Variants in TMEM266 observed in about 807,000 individuals in gnomAD.
TMEM266 encodes Hv1 related protein 1.
TMEM266 carries 33 observed loss-of-function variants against 50.5 expected under a neutral mutation model. That is an observed-to-expected ratio of 0.65 (90% CI 0.50 to 0.87). TMEM266 has a LOEUF of 0.87. Ranked by LOEUF, TMEM266 falls within the 40% of genes least tolerant of loss-of-function variation. The probability of loss-of-function intolerance (pLI) is 0.00; values close to 1 mark genes in which losing one functional copy is unlikely to be tolerated. For missense variants in TMEM266, 655 were observed against 695.1 expected, an observed-to-expected ratio of 0.94 and a Z score of 0.65; for synonymous variants, 310 against 292.3, an observed-to-expected ratio of 1.06 and a Z score of -0.62.
In TMEM266 at chr15:76,109,772, T is replaced by C. The variant is rs557958633; in HGVS notation, c.-96-24396T>C. Among the ~76,000 whole-genome samples, 6 of 150,578 alleles carry C rather than the reference T, an allele frequency of 4.0e-5. No individual in the cohort carries two copies. The East Asian group carries it at 1.2e-3, about 30-fold the overall frequency. On this transcript the variant is annotated intron_variant, in intron 1 of 10. Coordinates refer to ENST00000388942, the MANE Select transcript of TMEM266 (RefSeq NM_152335.3). ...TTGCCCAGGCTGGAGTACAGTGGTG[T>C]GATCATGACTCACTGCAGCCTCAAC...
At chr15:76,176,096 G>T in intron 8 of TMEM266, 1 of 178,960 alleles carries the variant, frequency 5.6e-6, no homozygotes, top group Non-Finnish European at 1.2e-5. Context: ...AAAGATGCTA[G>T]CGGTGCTCTC....
At chr15:76,079,158 G>A (rs1276797551) in intron 1 of TMEM266, among the ~76,000 whole-genome samples, 2 of 152,176 alleles carry the variant, frequency 1.3e-5, no homozygotes, top group African/African-American at 4.8e-5. Flanking sequence ...TTTGAGACCA[G>A]CCTGGCCAAC....
intron 1 of TMEM266, among the ~76,000 whole-genome samples, chr15:76,062,783 T>A (rs1253770455): frequency 6.6e-6 from 1 of 151,752 alleles, no homozygotes; most frequent in East Asian, 1.9e-4. Flanking sequence ...TCTGGACTAC[T>A]TTTTTTTTCT....
At chr15:76,063,730 A>G (rs1327925753) in intron 1 of TMEM266, among the ~76,000 whole-genome samples, 28 of 151,944 alleles carry the variant, frequency 1.8e-4, no homozygotes, top group African/African-American at 2.4e-5. Flanking sequence ...CACTCCCCCA[A>G]CTCTGGTACT....
chr15:76,125,100 CT>C (rs761399011), intron 1 of TMEM266, among the ~76,000 whole-genome samples: 1 of 152,196 alleles, frequency 6.6e-6, no homozygotes, highest in Non-Finnish European at 1.5e-5. Context: ...AGGATAGTCT[CT>C]TCAATAGAAA....
intron 5 of TMEM266, among the ~76,000 whole-genome samples, chr15:76,167,005 A>G (rs1243026482): frequency 6.6e-6 from 1 of 152,182 alleles, no homozygotes. Context: ...AGCGGCTGCC[A>G]TAGCAGAAAT....
At chr15:76,111,323 G>A (rs779780222) in intron 1 of TMEM266, among the ~76,000 whole-genome samples, 1 of 151,378 alleles carries the variant, frequency 6.6e-6, no homozygotes, top group East Asian at 2.0e-4. Context: ...TCAGTGATCC[G>A]CCTTGGCCTT....
At chr15:76,200,003 T>C (rs1830743171) in intron 9 of TMEM266, among the ~76,000 whole-genome samples, 1 of 152,136 alleles carries the variant, frequency 6.6e-6, no homozygotes, top group Admixed American at 6.5e-5. Context: ...GCCTCACACA[T>C]AGTAGGCCTT....
intron 1 of TMEM266, among the ~76,000 whole-genome samples, chr15:76,118,929 A>C (rs2037293291): frequency 6.6e-6 from 1 of 152,174 alleles, no homozygotes; most frequent in African/African-American, 2.4e-5. Flanking sequence ...CTCCTAGCTT[A>C]AAGCAGGCCC....
At chr15:76,063,908 G>A (rs1296565551) in intron 1 of TMEM266, among the ~76,000 whole-genome samples, 2 of 152,154 alleles carry the variant, frequency 1.3e-5, no homozygotes, top group Non-Finnish European at 2.9e-5. Flanking sequence ...GAGAAGAATC[G>A]GGAAAGATCT....
intron 1 of TMEM266, among the ~76,000 whole-genome samples, chr15:76,066,531 A>G (rs571380584): frequency 2.0e-5 from 3 of 152,118 alleles, no homozygotes; most frequent in Non-Finnish European, 2.9e-5. Flanking sequence ...AGACCTTGCT[A>G]TAGGCCTGCT....
intron 1 of TMEM266, among the ~76,000 whole-genome samples, chr15:76,063,477 T>G (rs2036346401): frequency 6.6e-6 from 1 of 152,132 alleles, no homozygotes; most frequent in South Asian, 2.1e-4. Context: ...GCACTAATGG[T>G]TCTCTCCCCT....
chr15:76,167,241 C>G (rs932231590), intron 5 of TMEM266, among the ~76,000 whole-genome samples: 2 of 152,034 alleles, frequency 1.3e-5, no homozygotes, highest in Non-Finnish European at 2.9e-5. Context: ...GAGGCCGAGG[C>G]TGGCGGATCA....
At chr15:76,105,493 A>G (rs1325447608) in intron 1 of TMEM266, among the ~76,000 whole-genome samples, 1 of 152,252 alleles carries the variant, frequency 6.6e-6, no homozygotes, top group Non-Finnish European at 1.5e-5. Context: ...ATTCTTCTGT[A>G]AATGGCTAAA....
intron 1 of TMEM266, among the ~76,000 whole-genome samples, chr15:76,077,821 G>C (rs182534768): frequency 6.6e-6 from 1 of 152,214 alleles, no homozygotes; most frequent in Admixed American, 6.5e-5. Flanking sequence ...AAAACTGTGA[G>C]AGAATAAGTT....
In TMEM266 at chr15:76,153,545, G is replaced by A. The variant is rs546884990; in HGVS notation, c.228-3059G>A. 6.6e-5 allele frequency among the ~76,000 whole-genome samples: 10 copies of A among 152,350 alleles called. 1 individual carries two copies. The highest frequency in any genetic ancestry group is 2.4e-4 in the African/African-American group (10 of 41,576). On this transcript the variant is annotated intron_variant, in intron 3 of 10. Coordinates refer to ENST00000388942, the MANE Select transcript of TMEM266 (RefSeq NM_152335.3). The surrounding 1 kb of genome is among the most constrained non-coding windows in gnomAD (Gnocchi z 4.2). ...AACGGTAATGGGCATTGGGGAGAATGTGGAATTGGAGCCAGGTGTCCTTGG... is the reference window on the plus strand; with the variant it reads ...AACGGTAATGGGCATTGGGGAGAATATGGAATTGGAGCCAGGTGTCCTTGG...
rs561135443 is a variant in TMEM266, at chr15:76,188,088, C to T, written c.769-3880C>T. Among the ~76,000 whole-genome samples the T allele has an allele frequency of 8.5e-5, 13 of 152,164 alleles. No individual in the cohort carries two copies. The South Asian group carries it at 2.5e-3, about 29-fold the overall frequency. On this transcript the variant is annotated intron_variant, in intron 8 of 10. Coordinates refer to ENST00000388942, the MANE Select transcript of TMEM266 (RefSeq NM_152335.3). ...ATGCTAGGAGTATGCCTTCCCCCCC[C>T]ACCCCGCCCCACTGGAACACCACTA...
At chr15:76,152,342 C>T (rs2955748) in intron 3 of TMEM266, among the ~76,000 whole-genome samples, 78,826 of 151,974 alleles carry the variant, frequency 0.52, 20,619 homozygotes, top group South Asian at 0.61. Flanking sequence ...GGGCAGGGGA[C>T]AACTGAGCTG....
At chr15:76,174,117 G>A (rs1233202417) in intron 7 of TMEM266, among the ~76,000 whole-genome samples, 3 of 152,206 alleles carry the variant, frequency 2.0e-5, no homozygotes, top group Non-Finnish European at 2.9e-5. Context: ...GGCTGCTTCC[G>A]TGCCAACTAT....
Sources: gnomAD v4.1 joint callset for allele counts (sites outside exome capture counted in the v4.1 genomes callset) on GRCh38, gnomAD v4.1.1 for gene constraint, Gnocchi (gnomAD v3.1) non-coding constraint, MANE v1.5 for transcripts, NCBI Gene and HGNC (gene_info 2026-07-23, HGNC 2026-07-21) for gene names.